The following C7orf78 variants were observed in gnomAD, a reference collection of about 807,000 sequenced individuals.
The protein encoded by C7orf78 is putative uncharacterized protein C7orf78.
At chr7:12,531,813 C>T in the C7orf78 span, among the ~76,000 whole-genome samples, 1 of 151,916 alleles carries the variant, frequency 6.6e-6, no homozygotes, top group Non-Finnish European at 1.5e-5. Flanking sequence ...GGTTAAGGAG[C>T]AGAAAGTTTA....
chr7:12,526,758 G>C, the C7orf78 span, among the ~76,000 whole-genome samples: 3 of 152,000 alleles, frequency 2.0e-5, no homozygotes, highest in Non-Finnish European at 2.9e-5. Flanking sequence ...CCATCTAGCT[G>C]TGTAATTGAA....
the C7orf78 span, among the ~76,000 whole-genome samples, chr7:12,497,505 T>C: frequency 6.6e-6 from 1 of 152,006 alleles, no homozygotes; most frequent in Non-Finnish European, 1.5e-5. Context: ...TCACTCCCAC[T>C]CGAATACTGC....
chr7:12,495,829 T>C, the C7orf78 span, among the ~76,000 whole-genome samples: 1 of 152,344 alleles, frequency 6.6e-6, no homozygotes, highest in South Asian at 2.1e-4. Flanking sequence ...AGCGTTCATG[T>C]TCCTTAATGC....
the C7orf78 span, among the ~76,000 whole-genome samples, chr7:12,515,808 A>C: frequency 2.0e-5 from 3 of 152,158 alleles, no homozygotes; most frequent in Admixed American, 2.0e-4. Flanking sequence ...AGATTTGTGG[A>C]ATTTTGAACT....
the C7orf78 span, among the ~76,000 whole-genome samples, chr7:12,506,585 C>T: frequency 2.6e-5 from 4 of 151,746 alleles, no homozygotes; most frequent in African/African-American, 9.7e-5. Flanking sequence ...CGTGGGAGTT[C>T]AACAATGAGA....
At chr7:12,524,017 G>A in the C7orf78 span, among the ~76,000 whole-genome samples, 3 of 152,130 alleles carry the variant, frequency 2.0e-5, no homozygotes, top group Non-Finnish European at 4.4e-5. Context: ...GAACATAAAT[G>A]TGACTTGCTA....
chr7:12,494,996 A>C, the C7orf78 span, among the ~76,000 whole-genome samples: 3 of 152,118 alleles, frequency 2.0e-5, no homozygotes, highest in East Asian at 5.8e-4. Context: ...TGCCCAGATA[A>C]CCTGTTAGTC....
the C7orf78 span, among the ~76,000 whole-genome samples, chr7:12,536,495 C>G: frequency 6.6e-6 from 1 of 152,156 alleles, no homozygotes; most frequent in African/African-American, 2.4e-5. Flanking sequence ...ATGGGAGGGA[C>G]TGCCAAAAAG....
the C7orf78 span, among the ~76,000 whole-genome samples, chr7:12,500,186 C>T: frequency 6.7e-6 from 1 of 150,342 alleles, no homozygotes; most frequent in Non-Finnish European, 1.5e-5. Context: ...AAAGCAAGAG[C>T]AAACACATTC....
At chr7:12,499,012 C>T in the C7orf78 span, among the ~76,000 whole-genome samples, 18 of 151,978 alleles carry the variant, frequency 1.2e-4, no homozygotes, top group African/African-American at 2.4e-4. Context: ...AGAAATAAAA[C>T]ACTTTACAGA....
At chr7:12,514,928 A>T in the C7orf78 span, among the ~76,000 whole-genome samples, 1 of 152,034 alleles carries the variant, frequency 6.6e-6, no homozygotes, top group African/African-American at 2.4e-5. Flanking sequence ...TTCTTTTAGC[A>T]CTCTGAACAC....
chr7:12,521,179 GT>G, the C7orf78 span, among the ~76,000 whole-genome samples: 1 of 152,026 alleles, frequency 6.6e-6, no homozygotes, highest in Non-Finnish European at 1.5e-5. Flanking sequence ...GTCAATCTAC[GT>G]TTTTTAATTG....
the C7orf78 span, among the ~76,000 whole-genome samples, chr7:12,509,767 A>C: frequency 6.6e-6 from 1 of 152,112 alleles, no homozygotes; most frequent in Non-Finnish European, 1.5e-5. Context: ...AATGACTTCT[A>C]TCTCCATCCA....
chr7:12,528,717 G>C, the C7orf78 span, among the ~76,000 whole-genome samples: 1 of 152,174 alleles, frequency 6.6e-6, no homozygotes, highest in African/African-American at 2.4e-5. Flanking sequence ...TTTGAAGAAA[G>C]ACAAAATTAA....
chr7:12,502,792 A>G, the C7orf78 span, among the ~76,000 whole-genome samples: 1 of 133,588 alleles, frequency 7.5e-6, no homozygotes, highest in African/African-American at 3.0e-5. Flanking sequence ...ACGTATGTTT[A>G]TTGCGGCATC....
the C7orf78 span, chr7:12,491,612 A>C: frequency 6.6e-6 from 1 of 152,184 alleles, no homozygotes; most frequent in South Asian, 2.1e-4. Context: ...GAGTAAAACA[A>C]AGATAAAGAA....
the C7orf78 span, among the ~76,000 whole-genome samples, chr7:12,484,418 C>T: frequency 1.3e-5 from 2 of 152,146 alleles, no homozygotes; most frequent in Non-Finnish European, 2.9e-5. Flanking sequence ...AACATCTTGA[C>T]TAGTTTTCTA....
the C7orf78 span, among the ~76,000 whole-genome samples, chr7:12,522,714 T>C: frequency 2.0e-5 from 3 of 152,294 alleles, no homozygotes; most frequent in African/African-American, 7.2e-5. Context: ...TTTAAGTAGG[T>C]TACTTAAGGA....
the C7orf78 span, among the ~76,000 whole-genome samples, chr7:12,488,555 G>A: frequency 5.9e-5 from 9 of 152,072 alleles, 1 homozygote; most frequent in South Asian, 1.9e-3. Flanking sequence ...ATTTCAGAAT[G>A]AAACAAGTTC....
Sources: gnomAD v4.1 joint callset for allele counts (sites outside exome capture counted in the v4.1 genomes callset) on GRCh38, gnomAD v4.1.1 for gene constraint, MANE v1.5 for transcripts, NCBI Gene and HGNC (gene_info 2026-07-23, HGNC 2026-07-21) for gene names.